Variants in XXYLT1 observed in about 807,000 individuals in gnomAD.
XXYLT1 encodes the protein xyloside xylosyltransferase 1.
In XXYLT1, 20 loss-of-function variants were observed where a neutral mutation model predicts 28.9. The observed-to-expected ratio is 0.69, with a 90% confidence interval of 0.49 to 1.00. The LOEUF (loss-of-function observed/expected upper bound fraction) is 1.00, where lower values mean the gene tolerates loss of function less well. Among genes scored for constraint, XXYLT1 ranks in the 50% least tolerant of loss-of-function variants. The pLI, the probability that XXYLT1 is intolerant of heterozygous loss-of-function variation, is 0.00. For missense variants in XXYLT1, 542 were observed against 560.1 expected (o/e 0.97, Z 0.33); for synonymous variants, 257 against 253.8 (o/e 1.01, Z -0.12).
At chr3:195,217,824 A>T (rs1723639952) in intron 2 of XXYLT1, among the ~76,000 whole-genome samples, 1 of 146,376 alleles carries the variant, frequency 6.8e-6, no homozygotes, top group Non-Finnish European at 1.5e-5. Context: ...TTTAAAGTTC[A>T]TATGGAACCA....
chr3:195,156,278 C>T (rs1317281996), intron 3 of XXYLT1, among the ~76,000 whole-genome samples, 171 bp downstream of exon 3: 1 of 152,238 alleles, frequency 6.6e-6, no homozygotes, highest in Non-Finnish European at 1.5e-5. Flanking sequence ...TTGGGATAGA[C>T]CCACCTGCCC....
intron 3 of XXYLT1, among the ~76,000 whole-genome samples, chr3:195,119,823 C>T (rs1718252519): frequency 6.6e-6 from 1 of 151,400 alleles, no homozygotes; most frequent in African/African-American, 2.4e-5. Context: ...CCTAAGATCA[C>T]AGAATCATCT....
At chr3:195,247,468 C>T (rs550184053) in intron 1 of XXYLT1, among the ~76,000 whole-genome samples, 28 of 152,332 alleles carry the variant, frequency 1.8e-4, no homozygotes, top group Middle Eastern at 3.4e-3. Flanking sequence ...TGGCCTGGGC[C>T]GGGAGGCTCG....
chr3:195,232,750 A>G (rs1724355547), intron 1 of XXYLT1, among the ~76,000 whole-genome samples: 1 of 152,208 alleles, frequency 6.6e-6, no homozygotes, highest in Admixed American at 6.5e-5. Context: ...GATACTTGAT[A>G]TTATTTCAGT....
intron 3 of XXYLT1, among the ~76,000 whole-genome samples, chr3:195,136,100 A>C (rs751302185): frequency 2.2e-4 from 33 of 152,272 alleles, no homozygotes; most frequent in Non-Finnish European, 4.4e-4. Flanking sequence ...TGATCACAGC[A>C]TCACCAGGGC....
chr3:195,113,254 C>T (rs900987472), intron 3 of XXYLT1, among the ~76,000 whole-genome samples: 3 of 152,186 alleles, frequency 2.0e-5, no homozygotes, highest in East Asian at 1.9e-4. Context: ...AGGATGGAAA[C>T]GGAGGTGAAC....
intron 3 of XXYLT1, among the ~76,000 whole-genome samples, chr3:195,098,882 C>T (rs1716607696): frequency 6.6e-6 from 1 of 152,224 alleles, no homozygotes; most frequent in Non-Finnish European, 1.5e-5. Context: ...CTCCAAGCTG[C>T]CTCAGGGCTT....
intron 2 of XXYLT1, among the ~76,000 whole-genome samples, chr3:195,174,586 C>T (rs760990307): frequency 6.6e-6 from 1 of 152,118 alleles, no homozygotes; most frequent in Non-Finnish European, 1.5e-5. Flanking sequence ...GATCCTCCTG[C>T]CTCAGCCTCC....
At chr3:195,110,326 G>GTCTGTACGTGGTGT (rs879909188) in intron 3 of XXYLT1, among the ~76,000 whole-genome samples, 2 of 17,652 alleles carry the variant, frequency 1.1e-4, no homozygotes, top group African/African-American at 4.9e-4. Context: ...GGGTGAGGGT[G>GTCTGTACGTGGTGT]AGGTGTGTGT....
At chr3:195,230,385 T>C (rs190908137) in intron 1 of XXYLT1, among the ~76,000 whole-genome samples, 1 of 152,364 alleles carries the variant, frequency 6.6e-6, no homozygotes, top group African/African-American at 2.4e-5. Flanking sequence ...GCTTTTCAAC[T>C]GGATGTGATC....
intron 3 of XXYLT1, among the ~76,000 whole-genome samples, chr3:195,126,495 C>T (rs1484805512): frequency 2.0e-5 from 3 of 152,216 alleles, no homozygotes; most frequent in Admixed American, 1.3e-4. Context: ...GATGAAGGCA[C>T]AGTTCCTGCT....
intron 3 of XXYLT1, among the ~76,000 whole-genome samples, chr3:195,100,524 C>T (rs1276878823): frequency 1.3e-5 from 2 of 152,136 alleles, no homozygotes; most frequent in South Asian, 2.1e-4. Flanking sequence ...CACCTTAGCC[C>T]AACACATAAG....
At position 195,270,904 on chromosome 3, in the gene XXYLT1, G is replaced by A. The variant is rs1465584726; in HGVS notation, c.155C>T (p.Thr52Ile). 2 of 1,476,076 alleles carry A rather than the reference G, an allele frequency of 1.4e-6. No individual in the cohort carries two copies. The highest frequency in any genetic ancestry group is 1.8e-6 in the Non-Finnish European group (2 of 1,115,276). The allele number at this position is 1,476,076 out of a possible 1,614,324, so 91.4% of individuals were successfully genotyped here. A position where few individuals can be genotyped will look rare whatever the true frequency, so the allele number is the denominator to read the frequency against. Residue 52 changes from threonine to isoleucine, a missense_variant, in exon 1 of 4, where the codon ACC becomes ATC. Thr to Ile is a moderately conservative substitution (Grantham distance 89). Transcript: ENST00000310380. Reference sequence around the variant, plus strand: ...GGCGCGGGCCTCCTTCAGCCTCTTGGTGGCGCTGGAGAAGGTCTCCCGGCC... The same window carrying A: ...GGCGCGGGCCTCCTTCAGCCTCTTGATGGCGCTGGAGAAGGTCTCCCGGCC... ...GSGRETFSSA[T>I]KRLKEARAGA...
chr3:195,167,737 A>T (rs1721199924), intron 2 of XXYLT1, among the ~76,000 whole-genome samples: 1 of 151,920 alleles, frequency 6.6e-6, no homozygotes, highest in African/African-American at 2.4e-5. Context: ...TCACCCACTT[A>T]CGGTAGGTTG....
chr3:195,108,233 T>G (rs1252951518), intron 3 of XXYLT1, among the ~76,000 whole-genome samples: 1 of 152,244 alleles, frequency 6.6e-6, no homozygotes, highest in African/African-American at 2.4e-5. Context: ...CATAACTGCA[T>G]GTTACAACCA....
intron 3 of XXYLT1, among the ~76,000 whole-genome samples, chr3:195,102,943 T>C (rs1716872924): frequency 6.6e-6 from 1 of 152,154 alleles, no homozygotes. Context: ...TGCAGCGTGC[T>C]GGGGCTCCCT....
intron 3 of XXYLT1, among the ~76,000 whole-genome samples, chr3:195,107,432 C>A (rs1198507340): frequency 7.2e-6 from 1 of 139,190 alleles, no homozygotes; most frequent in African/African-American, 2.7e-5. Flanking sequence ...CAAGATCATG[C>A]CACTGCACTT....
intron 1 of XXYLT1, among the ~76,000 whole-genome samples, chr3:195,268,929 T>A (rs1195496244): frequency 6.6e-6 from 1 of 152,132 alleles, no homozygotes; most frequent in African/African-American, 2.4e-5. Context: ...TGATAAGACA[T>A]GATACAGTCA....
At chr3:195,152,308 G>A (rs1005308045) in intron 3 of XXYLT1, 3 of 152,630 alleles carry the variant, frequency 2.0e-5, no homozygotes, top group African/African-American at 4.8e-5. Context: ...CTGAGGACCT[G>A]TCCAGGGGTT....
Sources: allele counts gnomAD v4.1 joint callset (sites outside exome capture counted in the v4.1 genomes callset), GRCh38; gene constraint gnomAD v4.1.1; transcripts MANE v1.5; gene names NCBI Gene and HGNC (gene_info 2026-07-23, HGNC 2026-07-21).